The following SH3PXD2B variants were observed in gnomAD, a reference collection of about 807,000 sequenced individuals.
SH3PXD2B encodes SH3 and PX domain-containing protein 2B.
Under a neutral mutation model 73.1 loss-of-function variants are expected in SH3PXD2B, and 37 were observed. That is an observed-to-expected ratio of 0.51 (90% CI 0.39 to 0.67). The LOEUF (loss-of-function observed/expected upper bound fraction) is 0.67, where lower values mean the gene tolerates loss of function less well. SH3PXD2B is among the 30% of genes least tolerant of loss of function. SH3PXD2B has a pLI of 0.00. For synonymous variants in SH3PXD2B, 457 were observed against 480.5 expected (o/e 0.95, Z 0.64); for missense variants, 1,053 against 1,197.8 (o/e 0.88, Z 1.78).
At chr5:172,432,459 G>A (rs906862716) in intron 1 of SH3PXD2B, among the ~76,000 whole-genome samples, 4 of 152,134 alleles carry the variant, frequency 2.6e-5, no homozygotes, top group Non-Finnish European at 5.9e-5. Context: ...GGGGAGTGTC[G>A]CTCATTCAAC....
At chr5:172,361,609 G>A (rs1343715249) in intron 7 of SH3PXD2B, among the ~76,000 whole-genome samples, 2 of 152,164 alleles carry the variant, frequency 1.3e-5, no homozygotes, top group African/African-American at 2.4e-5. Flanking sequence ...CATACAATCT[G>A]CACACACTCA....
At chr5:172,370,760 C>T (rs1757683952) in intron 6 of SH3PXD2B, among the ~76,000 whole-genome samples, 1 of 152,184 alleles carries the variant, frequency 6.6e-6, no homozygotes, top group Admixed American at 6.5e-5. Context: ...CTTATTGAAA[C>T]TGATGAAAAA....
intron 1 of SH3PXD2B, among the ~76,000 whole-genome samples, chr5:172,452,518 A>G (rs989757226): frequency 6.6e-6 from 1 of 152,100 alleles, no homozygotes; most frequent in Non-Finnish European, 1.5e-5. Context: ...TTGGCTCTTG[A>G]CTGTGACCTT....
chr5:172,432,888 TCAA>T (rs201621784), intron 1 of SH3PXD2B, among the ~76,000 whole-genome samples: 1,308 of 114,450 alleles, frequency 0.011, 16 homozygotes, highest in African/African-American at 0.033. Flanking sequence ...TCCAGCCTGG[TCAA>T]CAAGAGTGAA....
intron 1 of SH3PXD2B, among the ~76,000 whole-genome samples, chr5:172,439,692 G>GCACA (rs367799974): frequency 0.017 from 2,315 of 138,482 alleles, 29 homozygotes; most frequent in Middle Eastern, 0.036. Flanking sequence ...GCACGCGCGC[G>GCACA]CACACACACA....
chr5:172,379,027 G>C (rs188507896), intron 5 of SH3PXD2B, among the ~76,000 whole-genome samples: 1 of 141,704 alleles, frequency 7.1e-6, no homozygotes, highest in East Asian at 2.0e-4. Context: ...CCAAGATCGC[G>C]CCACTGCACT....
rs147475342 is a variant in SH3PXD2B, at chr5:172,339,420, G to T, written c.1685C>A (p.Pro562Gln). Residue 562 changes from proline to glutamine, a missense_variant, in exon 13 of 13, where the codon CCG becomes CAG. Pro to Gln is a moderately conservative substitution (Grantham distance 76). Around this residue, in one of 2 missense-constraint regions of SH3PXD2B, gnomAD observed 587 missense variants for 590.7 expected, o/e 0.99. Coordinates refer to ENST00000311601, the MANE Select transcript of SH3PXD2B (RefSeq NM_001017995.3). The surrounding 1 kb of genome is among the most constrained non-coding windows in gnomAD (Gnocchi z 6.1). ...PTPKPPGVIL[P>Q]MMPAKHIPPA... ...AGGGATGTGTTTGGCTGGCATCATCGGCAAAATCACGCCCGGAGGCTTGGG... is the reference window on the plus strand; with the variant it reads ...AGGGATGTGTTTGGCTGGCATCATCTGCAAAATCACGCCCGGAGGCTTGGG... 8 of 1,614,012 alleles carry T rather than the reference G, an allele frequency of 5.0e-6. No individual in the cohort carries two copies. The Admixed American group carries it at 6.7e-5, about 13-fold the overall frequency.
downstream of SH3PXD2B, among the ~76,000 whole-genome samples, chr5:172,330,141 G>T (rs191096313): frequency 1.8e-4 from 27 of 152,298 alleles, no homozygotes; most frequent in East Asian, 4.0e-3. Context: ...TAATCTGAGT[G>T]CTTCATTGAG....
intron 12 of SH3PXD2B, among the ~76,000 whole-genome samples, chr5:172,344,098 T>TCAC (rs1183160796): frequency 1.3e-5 from 2 of 152,108 alleles, no homozygotes; most frequent in African/African-American, 4.8e-5. Flanking sequence ...TATATCATCA[T>TCAC]CATCATCATC....
intron 1 of SH3PXD2B, among the ~76,000 whole-genome samples, chr5:172,450,780 C>G (rs972759207): frequency 1.3e-5 from 2 of 152,056 alleles, no homozygotes; most frequent in Non-Finnish European, 2.9e-5. Flanking sequence ...TGAAGACAAG[C>G]TAGCTGGGGA....
chr5:172,403,302 C>T (rs1333583515), intron 3 of SH3PXD2B, among the ~76,000 whole-genome samples: 2 of 152,262 alleles, frequency 1.3e-5, no homozygotes, highest in Non-Finnish European at 2.9e-5. Flanking sequence ...GCTCTCCCCT[C>T]CCCCGCCTTT....
intron 2 of SH3PXD2B, among the ~76,000 whole-genome samples, chr5:172,416,833 C>T (rs1195195218): frequency 6.6e-6 from 1 of 151,408 alleles, no homozygotes; most frequent in Admixed American, 6.6e-5. Context: ...CTCAGCCTCC[C>T]AAGTAGCCTG....
chr5:172,405,594 C>T (rs190821414), intron 3 of SH3PXD2B, among the ~76,000 whole-genome samples: 1 of 152,276 alleles, frequency 6.6e-6, no homozygotes, highest in Admixed American at 6.5e-5. Context: ...TGAACTCTGC[C>T]AACAATCTAC....
At chr5:172,329,832 C>G (rs865968383), downstream of SH3PXD2B, among the ~76,000 whole-genome samples, 1 of 152,000 alleles carries the variant, frequency 6.6e-6, no homozygotes, top group Non-Finnish European at 1.5e-5. Context: ...CCACTGTGCC[C>G]GGCCAGCCTC....
intron 5 of SH3PXD2B, among the ~76,000 whole-genome samples, chr5:172,377,041 G>A (rs1388940558): frequency 6.6e-6 from 1 of 152,194 alleles, no homozygotes; most frequent in South Asian, 2.1e-4. Context: ...CCAGGCCTGC[G>A]ACCTGAGCCG....
chr5:172,353,803 T>C lies in SH3PXD2B; in HGVS notation c.785+85A>G. The C allele has an allele frequency of 9.7e-7, 1 of 1,036,222 alleles. No homozygotes were observed. The highest frequency in any genetic ancestry group is 2.4e-5 in the East Asian group (1 of 42,282). 64.2% of individuals were successfully genotyped at this position (1,036,222 alleles called of 1,614,324 possible). On this transcript the variant is annotated intron_variant, in intron 9 of 12. Transcript: ENST00000311601. The surrounding 1 kb of genome is among the most constrained non-coding windows in gnomAD (Gnocchi z 4.3). ...CCAGATGCAATCACTTACCGACCTC[T>C]GTGAGGCCAGAGTCCCTGTGACCCC... is the stretch of plus-strand genomic sequence containing the variant.
chr5:172,403,346 CG>C (rs1278040402), intron 3 of SH3PXD2B, among the ~76,000 whole-genome samples: 6 of 152,248 alleles, frequency 3.9e-5, no homozygotes, highest in Admixed American at 3.9e-4. Flanking sequence ...GTTCTGCTGA[CG>C]CGGCAGTCTT....
At chr5:172,423,489 A>G (rs1759019517) in intron 1 of SH3PXD2B, among the ~76,000 whole-genome samples, 2 of 142,764 alleles carry the variant, frequency 1.4e-5, no homozygotes, top group African/African-American at 5.2e-5. Flanking sequence ...AGTGAAGATG[A>G]CTGACTCCTG....
chr5:172,449,703 A>C (rs1469211631), intron 1 of SH3PXD2B, among the ~76,000 whole-genome samples: 1 of 152,226 alleles, frequency 6.6e-6, no homozygotes, highest in East Asian at 1.9e-4. Flanking sequence ...CAAAGACTGA[A>C]AAGTCTGATG....
Sources: gnomAD v4.1 joint callset for allele counts (sites outside exome capture counted in the v4.1 genomes callset) on GRCh38, gnomAD v4.1.1 for gene constraint, gnomAD v4.1.1 regional missense constraint, Gnocchi (gnomAD v3.1) non-coding constraint, MANE v1.5 for transcripts, NCBI Gene and HGNC (gene_info 2026-07-23, HGNC 2026-07-21) for gene names.